EPHA6: variants seen among roughly 807,000 people sequenced by gnomAD.
EPHA6 encodes the protein EPH receptor A6.
A neutral mutation model predicts 112.0 loss-of-function variants in EPHA6; 50 were observed. The observed-to-expected ratio is 0.45, with a 90% CI of 0.36 to 0.56. The LOEUF (loss-of-function observed/expected upper bound fraction) is 0.56. Ranked by LOEUF, EPHA6 falls within the 20% of genes least tolerant of loss-of-function variation. The pLI is 0.00. For missense variants in EPHA6, 1,280 were observed against 1,417.4 expected, an observed-to-expected ratio of 0.90 and a Z score of 1.56; for synonymous variants, 529 against 490.7, an observed-to-expected ratio of 1.08 and a Z score of -1.03.
At position 97,532,339 on chromosome 3, in the gene EPHA6, CT is replaced by C; in HGVS notation, c.2201-15del. On this transcript the variant is annotated intron_variant, in intron 10 of 17. Transcript: ENST00000389672. ...AGTGTTCGGTTTAATCAAATAACTG[CT>C]TTTGTTCATATTTTAAGGTGAATTT... The C allele has an allele frequency of 6.3e-7, 1 of 1,587,528 alleles. No homozygotes were observed. The highest frequency in any genetic ancestry group is 8.6e-7 in the Non-Finnish European group (1 of 1,167,760).
At chr3:96,988,749 T>C (rs960595505) in intron 3 of EPHA6, among the ~76,000 whole-genome samples, 23 of 152,128 alleles carry the variant, frequency 1.5e-4, no homozygotes, top group Admixed American at 1.5e-3. Flanking sequence ...AATAGTAGTA[T>C]TTATGTGACA....
chr3:97,649,255 A>G (rs1417835219), intron 14 of EPHA6, among the ~76,000 whole-genome samples: 2 of 152,068 alleles, frequency 1.3e-5, no homozygotes, highest in Admixed American at 6.6e-5. Context: ...GAGCATTTGC[A>G]GGGGAACTCC....
Position 97,124,885 on chromosome 3 carries a change from C to T in EPHA6, c.1115-101379C>T, listed in dbSNP as rs147167800. On this transcript the variant is annotated intron_variant, in intron 3 of 17. Transcript: ENST00000389672. The stretch of plus-strand genomic sequence containing the variant: ...AATTTTAAGGTTAGGTATCAAATGC[C>T]AGCAAGGGGCATGAGCAGTTCCAGA... 2.9e-3 allele frequency among the ~76,000 whole-genome samples: 437 copies of T among 152,270 alleles called. 2 individuals are homozygous for T. Among genetic ancestry groups the T allele is most frequent in the African/African-American group, 9.7e-3 (405 of 41,560 alleles).
chr3:96,849,812 G>A (rs2035280221), intron 1 of EPHA6, among the ~76,000 whole-genome samples: 1 of 152,040 alleles, frequency 6.6e-6, no homozygotes, highest in African/African-American at 2.4e-5. Context: ...GGTGGGATTT[G>A]TAATAAGGCC....
At chr3:97,314,146 T>C (rs550213244) in intron 5 of EPHA6, among the ~76,000 whole-genome samples, 130 of 151,794 alleles carry the variant, frequency 8.6e-4, no homozygotes, top group African/African-American at 2.7e-3. Flanking sequence ...CCTTTCTCCA[T>C]TGTGTATTCT....
intron 11 of EPHA6, among the ~76,000 whole-genome samples, chr3:97,580,218 T>C (rs2093424921): frequency 6.6e-6 from 1 of 152,204 alleles, no homozygotes; most frequent in Non-Finnish European, 1.5e-5. Flanking sequence ...TCTCCACATA[T>C]ATCACATCAG....
At chr3:97,033,223 T>C (rs2044945868) in intron 3 of EPHA6, among the ~76,000 whole-genome samples, 1 of 151,984 alleles carries the variant, frequency 6.6e-6, no homozygotes, top group African/African-American at 2.4e-5. Flanking sequence ...TGTGTACCAC[T>C]TTATTGAAAT....
At chr3:97,271,157 T>C (rs2079865330) in intron 5 of EPHA6, among the ~76,000 whole-genome samples, 1 of 152,254 alleles carries the variant, frequency 6.6e-6, no homozygotes, top group African/African-American at 2.4e-5. Flanking sequence ...ATTACACCAG[T>C]ACACCAGGTG....
At chr3:96,990,739 A>G (rs1336848852) in intron 3 of EPHA6, among the ~76,000 whole-genome samples, 1 of 152,076 alleles carries the variant, frequency 6.6e-6, no homozygotes, top group Non-Finnish European at 1.5e-5. Context: ...TGTGTTCTTG[A>G]TGTTGTGTGT....
chr3:97,466,928 G>A (rs996445645), intron 7 of EPHA6, among the ~76,000 whole-genome samples: 4 of 151,882 alleles, frequency 2.6e-5, no homozygotes, highest in African/African-American at 9.7e-5. Context: ...CCATGTTGGT[G>A]ACTTGCAGAT....
Position 97,592,507 on chromosome 3 carries a change from G to A in EPHA6, c.2387-105G>A, listed in dbSNP as rs542124062. The A allele has an allele frequency of 1.4e-4, 191 of 1,335,914 alleles. 1 individual carries two copies. The South Asian group carries it at 1.5e-3, about 11-fold the overall frequency. The allele number at this position is 1,335,914 out of a possible 1,614,324, so 82.8% of individuals were successfully genotyped here. On this transcript the variant is annotated intron_variant, in intron 11 of 17. Transcript: ENST00000389672. ...ATCCCTTTAATTTTATAACTTCTTC[G>A]TAAAATTTGATGTCTTTGTTGATTT...
chr3:96,815,006 A>C lies in EPHA6; in HGVS notation c.383A>C (p.Gln128Pro). The change falls in exon 1 of 18, where the codon CAA (glutamine) becomes CCA (proline). Residue 128 changes from glutamine to proline, a missense_variant and splice_region_variant. Transcript: ENST00000389672. ...PGDCSHVSNN[Q>P]VVLLDTTTVL... ...GACTGCAGTCACGTCTCCAACAACC[A>C]AGGTAAGGGACGGGGCGGAGGAGCG... 2.0e-6 allele frequency: 3 copies of C among 1,514,536 alleles called. No homozygotes were observed. Among genetic ancestry groups the C allele is most frequent in the Non-Finnish European group, 2.7e-6 (3 of 1,124,704 alleles). 93.8% of individuals were successfully genotyped at this position (1,514,536 alleles called of 1,614,324 possible).
At chr3:97,063,047 G>A (rs2046070903) in intron 3 of EPHA6, among the ~76,000 whole-genome samples, 2 of 151,752 alleles carry the variant, frequency 1.3e-5, no homozygotes, top group African/African-American at 4.8e-5. Flanking sequence ...AAAGTCAAAA[G>A]CAACAGATGC....
chr3:97,300,847 A>G (rs1034121257), intron 5 of EPHA6, among the ~76,000 whole-genome samples: 1 of 152,114 alleles, frequency 6.6e-6, no homozygotes, highest in Non-Finnish European at 1.5e-5. Flanking sequence ...AAAAAAAAGT[A>G]GTAGTTCTAT....
chr3:96,837,207 A>G (rs2034467740), intron 1 of EPHA6, among the ~76,000 whole-genome samples: 1 of 152,106 alleles, frequency 6.6e-6, no homozygotes, highest in African/African-American at 2.4e-5. Flanking sequence ...TCTGTAACTG[A>G]AAAGCTTAGA....
chr3:97,429,896 G>C (rs866426118), intron 6 of EPHA6, among the ~76,000 whole-genome samples: 1 of 152,168 alleles, frequency 6.6e-6, no homozygotes, highest in African/African-American at 2.4e-5. Context: ...ATACCATACA[G>C]ATGCTGCTGT....
chr3:97,464,636 C>A (rs140032191), intron 7 of EPHA6, among the ~76,000 whole-genome samples: 1 of 152,086 alleles, frequency 6.6e-6, no homozygotes, highest in East Asian at 1.9e-4. Context: ...AGTCCCCCAC[C>A]ACAGGATACT....
At position 97,754,084 on chromosome 3, in the gene EPHA6, C is replaced by CTTTTTTTT; in HGVS notation, c.*5397_*5404dup. Among the ~76,000 whole-genome samples, 1 of 102,060 alleles carries CTTTTTTTT rather than the reference C, an allele frequency of 9.8e-6. No homozygotes were observed. The highest frequency in any genetic ancestry group is 2.0e-5 in the Non-Finnish European group (1 of 50,068). The allele number at this position is 102,060 out of a possible 152,430, so 67.0% of individuals were successfully genotyped here. ...AATGTATAAAAAATAACATTTATATCTTTTTTTTTTTTTTTTTTTTTGAGA... is the reference window on the plus strand; with the variant it reads ...AATGTATAAAAAATAACATTTATATCTTTTTTTTTTTTTTTTTTTTTTTTTTTTTGAGA... On this transcript the variant is annotated 3_prime_UTR_variant, in exon 18 of 18. Coordinates refer to ENST00000389672, the MANE Select transcript of EPHA6 (RefSeq NM_001080448.3).
At chr3:97,739,666 C>T (rs2035418646) in intron 16 of EPHA6, among the ~76,000 whole-genome samples, 2 of 152,022 alleles carry the variant, frequency 1.3e-5, no homozygotes, top group Admixed American at 1.3e-4. Flanking sequence ...TGACACACTC[C>T]CATGGGAATA....
Sources: gnomAD v4.1 joint callset for allele counts (sites outside exome capture counted in the v4.1 genomes callset) on GRCh38, gnomAD v4.1.1 for gene constraint, MANE v1.5 for transcripts, NCBI Gene and HGNC (gene_info 2026-07-23, HGNC 2026-07-21) for gene names.